The following CFAP61 variants were observed in gnomAD, a reference collection of about 807,000 sequenced individuals.
CFAP61 encodes the protein cilia- and flagella-associated protein 61.
In CFAP61, 107 loss-of-function variants were observed where a neutral mutation model predicts 135.6. That is an observed-to-expected ratio of 0.79 (90% confidence interval 0.67 to 0.93). The LOEUF (loss-of-function observed/expected upper bound fraction) is 0.93. CFAP61 is among the 40% of genes least tolerant of loss of function. The pLI is 0.00. For synonymous variants in CFAP61, 575 were observed against 578.5 expected, an observed-to-expected ratio of 0.99 and a Z score of 0.09; for missense variants, 1,507 against 1,556.2, an observed-to-expected ratio of 0.97 and a Z score of 0.53.
intron 25 of CFAP61, among the ~76,000 whole-genome samples, chr20:20,324,957 A>G (rs1364545685): frequency 1.3e-5 from 2 of 152,196 alleles, no homozygotes; most frequent in Non-Finnish European, 2.9e-5. Flanking sequence ...TATTATGTAC[A>G]TTGCAAATAT....
intron 24 of CFAP61, among the ~76,000 whole-genome samples, chr20:20,294,646 A>G (rs1350353948): frequency 2.6e-5 from 4 of 152,300 alleles, no homozygotes; most frequent in East Asian, 3.9e-4. Flanking sequence ...TAATACCAAA[A>G]GGTCGGGCGC....
intron 16 of CFAP61, among the ~76,000 whole-genome samples, chr20:20,198,601 T>C (rs1214718985): frequency 6.6e-6 from 1 of 152,236 alleles, no homozygotes; most frequent in Non-Finnish European, 1.5e-5. Flanking sequence ...AAATCTCCAG[T>C]TGACTACAGT....
chr20:20,182,676 A>T (rs1354219839), intron 13 of CFAP61, among the ~76,000 whole-genome samples: 1 of 151,114 alleles, frequency 6.6e-6, no homozygotes, highest in Non-Finnish European at 1.5e-5. Context: ...TTTATTTCTT[A>T]CATTTATTCA....
chr20:20,245,678 G>C (rs1015719609), intron 18 of CFAP61, among the ~76,000 whole-genome samples: 2 of 152,164 alleles, frequency 1.3e-5, no homozygotes, highest in African/African-American at 4.8e-5. Flanking sequence ...TTACTGACCT[G>C]ACTGGATTCC....
intron 9 of CFAP61, among the ~76,000 whole-genome samples, chr20:20,152,942 A>G (rs1466945546): frequency 1.3e-5 from 2 of 152,194 alleles, no homozygotes; most frequent in African/African-American, 2.4e-5. Flanking sequence ...AGCACATGGA[A>G]CATTCTCCAA....
At chr20:20,192,407 T>C (rs1052393957) in intron 15 of CFAP61, among the ~76,000 whole-genome samples, 1 of 152,130 alleles carries the variant, frequency 6.6e-6, no homozygotes, top group Non-Finnish European at 1.5e-5. Flanking sequence ...GCCTTTTGGC[T>C]GCCCGTTGGG....
At chr20:20,096,689 A>G (rs1055926939) in intron 7 of CFAP61, among the ~76,000 whole-genome samples, 1 of 152,246 alleles carries the variant, frequency 6.6e-6, no homozygotes, top group African/African-American at 2.4e-5. Flanking sequence ...CTCTTTCTGC[A>G]CATATGGTAG....
rs10716410 is a variant in CFAP61 at position 20,309,835 on chromosome 20, TAA to T, written c.3422+11458_3422+11459del. ...GAACTTCTGTTTATAATTTTATCTTTAAAAAAAAAACAGAAATCATGTTTTAT... is the reference window on the plus strand; with the variant it reads ...GAACTTCTGTTTATAATTTTATCTTTAAAAAAAACAGAAATCATGTTTTAT... On this transcript the variant is annotated intron_variant, in intron 25 of 26. Coordinates refer to ENST00000245957, the MANE Select transcript of CFAP61 (RefSeq NM_015585.4). Among the ~76,000 whole-genome samples, 655 of 151,152 alleles carry T rather than the reference TAA, an allele frequency of 4.3e-3. 2 individuals carry two copies. The highest frequency in any genetic ancestry group is 8.0e-3 in the Non-Finnish European group (541 of 67,708).
At chr20:20,185,401 G>A (rs534807871) in intron 13 of CFAP61, among the ~76,000 whole-genome samples, 1 of 152,124 alleles carries the variant, frequency 6.6e-6, no homozygotes, top group Non-Finnish European at 1.5e-5. Flanking sequence ...GTGGAGGCTG[G>A]ACTAGCACTG....
chr20:20,224,431 A>G (rs2048592753), intron 17 of CFAP61, among the ~76,000 whole-genome samples: 1 of 152,028 alleles, frequency 6.6e-6, no homozygotes, highest in Non-Finnish European at 1.5e-5. Flanking sequence ...TTTCCTACCT[A>G]AGCAATGGAA....
intron 1 of CFAP61, among the ~76,000 whole-genome samples, chr20:20,053,952 T>G (rs1402816919): frequency 1.3e-5 from 2 of 151,818 alleles, no homozygotes. Flanking sequence ...TCACCATCCT[T>G]CTCTCTTACA....
intron 17 of CFAP61, among the ~76,000 whole-genome samples, chr20:20,219,729 C>T (rs924185864): frequency 5.9e-5 from 9 of 152,092 alleles, no homozygotes; most frequent in African/African-American, 2.2e-4. Flanking sequence ...TCATATATTT[C>T]TTTGATTTCT....
At chr20:20,069,767 TGACA>T (rs1433871778) in intron 2 of CFAP61, 1 of 456,352 alleles carries the variant, frequency 2.2e-6, no homozygotes, top group African/African-American at 2.0e-5. Context: ...TTGTCTGCAC[TGACA>T]GTGTATTCCT....
intron 6 of CFAP61, among the ~76,000 whole-genome samples, chr20:20,088,565 A>G (rs1568871444): frequency 1.3e-5 from 2 of 152,108 alleles, no homozygotes; most frequent in Non-Finnish European, 2.9e-5. Flanking sequence ...CCCATGATTC[A>G]ATTACCTCCC....
chr20:20,249,271 T>G (rs1206735648), intron 19 of CFAP61, among the ~76,000 whole-genome samples: 1 of 152,088 alleles, frequency 6.6e-6, no homozygotes, highest in Non-Finnish European at 1.5e-5. Flanking sequence ...AACTGAGAAA[T>G]GGCCAGGTAA....
At chr20:20,085,285 A>G (rs2046717988) in intron 6 of CFAP61, 22 of 985,384 alleles carry the variant, frequency 2.2e-5, no homozygotes, top group Non-Finnish European at 2.7e-5. Flanking sequence ...GTTGTTTTCC[A>G]TAGCTGGGGT....
intron 26 of CFAP61, among the ~76,000 whole-genome samples, chr20:20,357,949 C>A (rs1401020153): frequency 2.1e-5 from 2 of 94,354 alleles, no homozygotes; most frequent in Admixed American, 2.2e-4. Context: ...AAGGTGGTCA[C>A]ACTGAGGGGA....
At chr20:20,338,795 G>A (rs577160733) in intron 25 of CFAP61, among the ~76,000 whole-genome samples, 2 of 152,320 alleles carry the variant, frequency 1.3e-5, no homozygotes, top group Non-Finnish European at 2.9e-5. Flanking sequence ...TGAGTCTGTC[G>A]ATGTAACTGC....
intron 25 of CFAP61, among the ~76,000 whole-genome samples, chr20:20,303,124 G>A (rs116848589): frequency 0.029 from 4,481 of 152,242 alleles, 104 homozygotes; most frequent in Non-Finnish European, 0.043. Context: ...TTGAGTTAAG[G>A]GAGAATTAGC....
Sources: gnomAD v4.1 joint callset for allele counts (sites outside exome capture counted in the v4.1 genomes callset) on GRCh38, gnomAD v4.1.1 for gene constraint, MANE v1.5 for transcripts, NCBI Gene and HGNC (gene_info 2026-07-23, HGNC 2026-07-21) for gene names.